ZBTB20: variants seen among roughly 807,000 people sequenced by gnomAD.
The protein encoded by ZBTB20 is zinc finger and BTB domain containing 20.
In ZBTB20, 9 loss-of-function variants were observed where a neutral mutation model predicts 56.9. That is an observed-to-expected ratio of 0.16 (90% CI 0.10 to 0.28). ZBTB20 has a LOEUF of 0.28. ZBTB20 is among the 10% of genes least tolerant of loss of function. The probability of loss-of-function intolerance (pLI) is 1.00; values close to 1 mark genes in which losing one functional copy is unlikely to be tolerated. For synonymous variants in ZBTB20, 417 were observed against 420.7 expected (o/e 0.99, Z 0.11); for missense variants, 655 against 1,003.0 (o/e 0.65, Z 4.69).
At chr3:114,513,367 T>TTA (rs1325699527) in intron 6 of ZBTB20, among the ~76,000 whole-genome samples, 2 of 152,206 alleles carry the variant, frequency 1.3e-5, no homozygotes, top group Non-Finnish European at 2.9e-5. Context: ...AGGAAGAATT[T>TTA]TATGAATTCA....
Position 114,947,495 on chromosome 3 carries a change from T to A in ZBTB20, c.-456+26871A>T, listed in dbSNP as rs527417228. 1.4e-3 allele frequency among the ~76,000 whole-genome samples: 200 copies of A among 146,234 alleles called. 5 individuals are homozygous for A. The highest frequency in any genetic ancestry group is 6.8e-3 in the Middle Eastern group (2 of 294). On this transcript the variant is annotated intron_variant, in intron 3 of 11. Coordinates refer to ENST00000675478, the MANE Select transcript of ZBTB20 (RefSeq NM_001348800.3). Reference sequence around the variant, plus strand: ...AGCTATAAAAAAGAATGGAATCACATCTTTTGCAGCAATAAGAATGGAAGT... The same window carrying A: ...AGCTATAAAAAAGAATGGAATCACAACTTTTGCAGCAATAAGAATGGAAGT...
At chr3:114,689,478 G>T (rs969057285) in intron 6 of ZBTB20, among the ~76,000 whole-genome samples, 1 of 152,012 alleles carries the variant, frequency 6.6e-6, no homozygotes, top group South Asian at 2.1e-4. Context: ...GTACTAGTTC[G>T]TTCTAAGAAA....
At chr3:114,613,861 AATG>A (rs1392366704) in intron 6 of ZBTB20, among the ~76,000 whole-genome samples, 1 of 152,186 alleles carries the variant, frequency 6.6e-6, no homozygotes, top group East Asian at 1.9e-4. Flanking sequence ...TGATAATGGT[AATG>A]ATGATAACAG....
At chr3:114,944,541 G>A (rs1478820737) in intron 3 of ZBTB20, among the ~76,000 whole-genome samples, 2 of 145,584 alleles carry the variant, frequency 1.4e-5, no homozygotes, top group Non-Finnish European at 3.0e-5. Context: ...CACATTCATC[G>A]TAGCATTATT....
chr3:114,624,278 G>GA (rs2058514128), intron 6 of ZBTB20: 1 of 150,294 alleles, frequency 6.7e-6, no homozygotes, highest in African/African-American at 2.4e-5. Context: ...GAGGTGGAAG[G>GA]AAAATCACTG....
At chr3:114,672,260 C>T (rs1349397596) in intron 6 of ZBTB20, among the ~76,000 whole-genome samples, 1 of 151,998 alleles carries the variant, frequency 6.6e-6, no homozygotes, top group Admixed American at 6.6e-5. Flanking sequence ...TAAAACCCAT[C>T]CCATCCCATA....
At chr3:114,469,448 A>G (rs1371324509) in intron 7 of ZBTB20, among the ~76,000 whole-genome samples, 1 of 152,184 alleles carries the variant, frequency 6.6e-6, no homozygotes, top group Non-Finnish European at 1.5e-5. Flanking sequence ...CTGTATGATG[A>G]TATCTAATGA....
At chr3:114,651,476 A>C (rs1399793865) in intron 6 of ZBTB20, among the ~76,000 whole-genome samples, 1 of 145,772 alleles carries the variant, frequency 6.9e-6, no homozygotes, top group Non-Finnish European at 1.5e-5. Context: ...TATTTTAATT[A>C]TTCTTTTCTT....
intron 1 of ZBTB20, among the ~76,000 whole-genome samples, chr3:115,073,490 T>C (rs2082485567): frequency 2.0e-5 from 3 of 151,986 alleles, no homozygotes; most frequent in Non-Finnish European, 4.4e-5. Context: ...AAAGAGAAAA[T>C]AATTTGAATG....
intron 2 of ZBTB20, among the ~76,000 whole-genome samples, chr3:114,980,753 T>TA (rs1326139644): frequency 1.3e-5 from 2 of 151,898 alleles, no homozygotes; most frequent in Admixed American, 6.6e-5. Flanking sequence ...ATGAATAAAT[T>TA]AAAAAATCAC....
intron 4 of ZBTB20, among the ~76,000 whole-genome samples, chr3:114,821,599 G>A (rs1395031717): frequency 6.6e-6 from 1 of 151,990 alleles, no homozygotes; most frequent in Non-Finnish European, 1.5e-5. Flanking sequence ...CCTTGCGCCC[G>A]ACCCTACCAT....
intron 5 of ZBTB20, among the ~76,000 whole-genome samples, chr3:114,767,771 A>C (rs2068886658): frequency 6.6e-6 from 1 of 152,024 alleles, no homozygotes; most frequent in Non-Finnish European, 1.5e-5. Context: ...CAAGTAGGAT[A>C]GTTGGGAAAA....
chr3:114,906,326 T>A (rs1168136822), intron 3 of ZBTB20, among the ~76,000 whole-genome samples: 2 of 151,734 alleles, frequency 1.3e-5, no homozygotes, highest in African/African-American at 4.8e-5. Context: ...ATGTAGAAAA[T>A]CTTTTATTGT....
At chr3:114,774,480 A>G (rs1160337134) in intron 5 of ZBTB20, among the ~76,000 whole-genome samples, 4 of 152,180 alleles carry the variant, frequency 2.6e-5, no homozygotes, top group Admixed American at 2.6e-4. Flanking sequence ...CTTTCTTTTG[A>G]ATACCACATT....
intron 4 of ZBTB20, among the ~76,000 whole-genome samples, chr3:114,806,795 C>T (rs955215248): frequency 6.6e-6 from 1 of 151,972 alleles, no homozygotes; most frequent in African/African-American, 2.4e-5. Flanking sequence ...ATGTTTTTTA[C>T]AGTCCTAGGT....
At chr3:114,589,722 CCCA>C (rs2055548125) in intron 6 of ZBTB20, among the ~76,000 whole-genome samples, 1 of 152,138 alleles carries the variant, frequency 6.6e-6, no homozygotes. Flanking sequence ...GTCTATTTTT[CCCA>C]CCAACCTGTG....
At chr3:114,761,851 A>G (rs928501120) in intron 5 of ZBTB20, among the ~76,000 whole-genome samples, 20 of 152,066 alleles carry the variant, frequency 1.3e-4, no homozygotes, top group African/African-American at 4.1e-4. Context: ...AAGAAAAAAA[A>G]AAAAGAAAGA....
chr3:114,563,748 G>T (rs2052378977), intron 6 of ZBTB20, among the ~76,000 whole-genome samples: 1 of 152,082 alleles, frequency 6.6e-6, no homozygotes, highest in East Asian at 1.9e-4. Flanking sequence ...ATCATAGCAG[G>T]TATACCTCCA....
At chr3:115,097,397 T>C (rs1226847894) in intron 1 of ZBTB20, among the ~76,000 whole-genome samples, 1 of 151,944 alleles carries the variant, frequency 6.6e-6, no homozygotes, top group Non-Finnish European at 1.5e-5. Context: ...TTGGCCAGGA[T>C]AGTCTCGATC....
Sources: allele counts gnomAD v4.1 joint callset (sites outside exome capture counted in the v4.1 genomes callset), GRCh38; gene constraint gnomAD v4.1.1; transcripts MANE v1.5; gene names NCBI Gene and HGNC (gene_info 2026-07-23, HGNC 2026-07-21).